The following DRC3 variants were observed in gnomAD, a reference collection of about 807,000 sequenced individuals.
DRC3 encodes leucine rich repeat containing 48.
DRC3 carries 45 observed loss-of-function variants against 57.6 expected under a neutral mutation model. The ratio of observed to expected loss-of-function variants is 0.78; its 90% confidence interval spans 0.62 to 1.00. DRC3 has a LOEUF of 1.00. Ranked by LOEUF, DRC3 falls within the 50% of genes least tolerant of loss-of-function variation. The pLI, the probability that DRC3 is intolerant of heterozygous loss-of-function variation, is 0.00. For synonymous variants in DRC3, 257 were observed against 272.3 expected (o/e 0.94, Z 0.55); for missense variants, 655 against 675.2 (o/e 0.97, Z 0.33).
At chr17:17,978,004 A>C in intron 3 of DRC3, 6 of 383,932 alleles carry the variant, frequency 1.6e-5, no homozygotes, top group East Asian at 5.0e-5. Context: ...ACAAGATAAA[A>C]TTGTCCCACG....
chr17:17,992,985 G>A (rs1597594978), intron 6 of DRC3, 74 bp downstream of exon 6: 2 of 1,539,002 alleles, frequency 1.3e-6, no homozygotes, highest in Middle Eastern at 1.8e-4. Flanking sequence ...TGGAAAAGGG[G>A]CATTGAAGAG....
In DRC3 at chr17:18,016,645, C is replaced by G. The variant is rs1272675606; in HGVS notation, c.1546C>G (p.Leu516Val). The G allele has an allele frequency of 6.2e-7, 1 of 1,613,260 alleles. No homozygotes were observed. Among genetic ancestry groups the G allele is most frequent in the Non-Finnish European group, 8.5e-7 (1 of 1,179,344 alleles). Residue 516 changes from leucine to valine, a missense_variant, in exon 14 of 14, where the codon CTG (leucine) becomes GTG (valine). Transcript: ENST00000399187. ...IDHMQSELDN[L>V]ECGDILD ...CCACATGCAGAGCGAACTGGACAACCTGGAATGTGGCGACATCCTAGACTA... is the reference window on the plus strand; with the variant it reads ...CCACATGCAGAGCGAACTGGACAACGTGGAATGTGGCGACATCCTAGACTA...
intron 5 of DRC3, among the ~76,000 whole-genome samples, chr17:17,991,167 G>C (rs1220998597): frequency 6.6e-6 from 1 of 151,334 alleles, no homozygotes. Context: ...GACTAATAGT[G>C]TTTGCTGCTA....
At chr17:17,981,326 CG>C in intron 3 of DRC3, 1 of 245,118 alleles carries the variant, frequency 4.1e-6, no homozygotes, top group Non-Finnish European at 9.1e-6. Context: ...TCCCTGCAGA[CG>C]GGACAGCCTC....
intron 3 of DRC3, among the ~76,000 whole-genome samples, chr17:17,979,488 G>A (rs2042549637): frequency 1.3e-5 from 2 of 152,340 alleles, no homozygotes; most frequent in South Asian, 4.1e-4. Flanking sequence ...CGAGGTGGTG[G>A]CCACAGGGGC....
chr17:17,975,114 G>C (rs865817408), intron 2 of DRC3, among the ~76,000 whole-genome samples: 6 of 152,048 alleles, frequency 3.9e-5, no homozygotes, highest in South Asian at 2.1e-4. Context: ...AAGCAAACTT[G>C]ATCTGTCACA....
chr17:17,977,537 CAGAGAA>C, intron 2 of DRC3, 39 bp from the exon 3 acceptor site: 2 of 1,609,752 alleles, frequency 1.2e-6, no homozygotes, highest in Non-Finnish European at 1.7e-6. Flanking sequence ...TGCCCTCAAA[CAGAGAA>C]AGAAGCAGGC....
chr17:17,981,229 C>A (rs1188354503), intron 3 of DRC3: 1 of 263,132 alleles, frequency 3.8e-6, no homozygotes. Flanking sequence ...TTGCTTCCTC[C>A]AGGAAAAACA....
Position 17,994,424 on chromosome 17 carries a change from G to A in DRC3, c.711+6G>A, listed in dbSNP as rs1053938865. The A allele has an allele frequency of 5.2e-6, 8 of 1,551,128 alleles. No homozygotes were observed. Among genetic ancestry groups the A allele is most frequent in the African/African-American group, 4.1e-5 (3 of 73,044 alleles). On this transcript the variant is annotated splice_donor_region_variant and intron_variant, in intron 7 of 13. Coordinates refer to ENST00000399187, the MANE Select transcript of DRC3 (RefSeq NM_031294.4). Reference sequence around the variant, plus strand: ...AGGAGCTAGAGAAGCACAAGGTACCGTTCCGGCAGGCTGCACGCCCTCGGC... The same window carrying A: ...AGGAGCTAGAGAAGCACAAGGTACCATTCCGGCAGGCTGCACGCCCTCGGC...
At chr17:18,010,522 C>A (rs2044131829) in intron 12 of DRC3, 1 of 152,154 alleles carries the variant, frequency 6.6e-6, no homozygotes, top group Admixed American at 6.6e-5. Context: ...CCATCCTGAG[C>A]AAAAAGAACA....
chr17:17,977,421 TA>T, intron 2 of DRC3, 160 bp from the exon 3 acceptor site: 1 of 789,608 alleles, frequency 1.3e-6, no homozygotes, highest in Non-Finnish European at 2.0e-6. Context: ...AGCCTTGGCG[TA>T]AGTATACAAA....
At chr17:17,994,849 G>T in intron 7 of DRC3, 150 bp from the exon 8 acceptor site, 2 of 621,000 alleles carry the variant, frequency 3.2e-6, no homozygotes, top group East Asian at 2.8e-5. Flanking sequence ...TCTGGAAACA[G>T]CCTGCAGTTT....
At position 18,016,708 on chromosome 17, in the gene DRC3, C is replaced by A; in HGVS notation, c.*37C>A. The A allele has an allele frequency of 7.3e-7, 1 of 1,378,544 alleles. No individual in the cohort carries two copies. The highest frequency in any genetic ancestry group is 1.2e-5 in the South Asian group (1 of 84,594). 85.4% of individuals were successfully genotyped at this position (1,378,544 alleles called of 1,614,324 possible). Reference sequence around the variant, plus strand: ...CCACAGGAGCTTCTTCAAAACATAGCACCAGCCCCAGCCAGGAGAAGGAAG... The same window carrying A: ...CCACAGGAGCTTCTTCAAAACATAGAACCAGCCCCAGCCAGGAGAAGGAAG... On this transcript the variant is annotated 3_prime_UTR_variant, in exon 14 of 14. Transcript: ENST00000399187.
intron 9 of DRC3, among the ~76,000 whole-genome samples, chr17:18,002,445 G>A (rs1293992066): frequency 6.6e-6 from 1 of 152,170 alleles, no homozygotes; most frequent in East Asian, 1.9e-4. Flanking sequence ...TAAGCAGCTG[G>A]TAGTCAGTGC....
Position 17,992,928 on chromosome 17 carries a change from C to G in DRC3, c.591+17C>G. 1.9e-6 allele frequency: 3 copies of G among 1,613,718 alleles called. No individual in the cohort carries two copies. Among genetic ancestry groups the G allele is most frequent in the Non-Finnish European group, 2.5e-6 (3 of 1,179,710 alleles). ...GACCACACAGCAAGTGTCTCCCTCT[C>G]AGTCTCCCAGCCCTGTGAGACAGAT... On this transcript the variant is annotated intron_variant, in intron 6 of 13. Coordinates refer to ENST00000399187, the MANE Select transcript of DRC3 (RefSeq NM_031294.4).
chr17:18,011,143 GA>G (rs1455002682), intron 12 of DRC3: 11 of 221,424 alleles, frequency 5.0e-5, no homozygotes, highest in Non-Finnish European at 9.0e-5. Flanking sequence ...TTTTAGTAGA[GA>G]TGGGGTTTCT....
intron 11 of DRC3, 195 bp from the exon 12 acceptor site, chr17:18,006,829 G>A (rs1223088261): frequency 1.3e-6 from 1 of 746,404 alleles, no homozygotes; most frequent in Non-Finnish European, 2.1e-6. Flanking sequence ...CAGGGGCCGA[G>A]GGTCCGTCCG....
intron 5 of DRC3, among the ~76,000 whole-genome samples, chr17:17,992,357 C>T (rs996611058): frequency 7.9e-5 from 12 of 152,176 alleles, no homozygotes; most frequent in Non-Finnish European, 1.0e-4. Flanking sequence ...GCAACTAAAA[C>T]GCCCATTACC....
At chr17:18,007,573 C>T (rs559619169) in intron 12 of DRC3, 244 of 1,478,068 alleles carry the variant, frequency 1.7e-4, no homozygotes, top group Non-Finnish European at 2.1e-4. Flanking sequence ...CAATGCCATC[C>T]GGTTTGCACC....
Sources: gnomAD v4.1 joint callset for allele counts (sites outside exome capture counted in the v4.1 genomes callset) on GRCh38, gnomAD v4.1.1 for gene constraint, MANE v1.5 for transcripts, NCBI Gene and HGNC (gene_info 2026-07-23, HGNC 2026-07-21) for gene names.